The following BLM variants were observed in gnomAD, a reference collection of about 807,000 sequenced individuals.
The protein encoded by BLM is BLM RecQ like helicase.
A neutral mutation model predicts 135.3 loss-of-function variants in BLM; 95 were observed. The ratio of observed to expected loss-of-function variants is 0.70; its 90% confidence interval spans 0.59 to 0.83. The LOEUF (loss-of-function observed/expected upper bound fraction) is 0.83. Among genes scored for constraint, BLM ranks in the 40% least tolerant of loss-of-function variants. The pLI is 0.00. For synonymous variants in BLM, 520 were observed against 589.2 expected, an observed-to-expected ratio of 0.88 and a Z score of 1.70; for missense variants, 1,518 against 1,663.9, an observed-to-expected ratio of 0.91 and a Z score of 1.53.
chr15:90,781,202 C>T (rs989244384), intron 12 of BLM, among the ~76,000 whole-genome samples: 2 of 152,170 alleles, frequency 1.3e-5, no homozygotes, highest in African/African-American at 4.8e-5. Flanking sequence ...AATAAAGTGA[C>T]TGTAATCAGT....
chr15:90,760,451 C>A, intron 6 of BLM, 143 bp from the exon 7 acceptor site: 1 of 1,213,698 alleles, frequency 8.2e-7, no homozygotes, highest in Non-Finnish European at 1.2e-6. Context: ...CTTTAACATT[C>A]GTATTCATGT....
intron 1 of BLM, among the ~76,000 whole-genome samples, chr15:90,729,179 A>G (rs1190556290): frequency 1.3e-5 from 2 of 152,052 alleles, no homozygotes; most frequent in Non-Finnish European, 2.9e-5. Context: ...GCATGGTGGT[A>G]CGCGCTTGTA....
intron 17 of BLM, among the ~76,000 whole-genome samples, chr15:90,802,013 G>A (rs1422882568): frequency 2.0e-5 from 3 of 151,862 alleles, no homozygotes; most frequent in African/African-American, 4.8e-5. Flanking sequence ...CTGTGATCCC[G>A]CCACTGCACC....
At chr15:90,778,101 T>C (rs1896525771) in intron 12 of BLM, among the ~76,000 whole-genome samples, 1 of 152,164 alleles carries the variant, frequency 6.6e-6, no homozygotes, top group African/African-American at 2.4e-5. Flanking sequence ...ACTCCAAGGG[T>C]CTATTAACTT....
intron 1 of BLM, among the ~76,000 whole-genome samples, chr15:90,723,755 G>A (rs767353117): frequency 1.8e-4 from 28 of 152,220 alleles, no homozygotes; most frequent in Non-Finnish European, 2.6e-4. Flanking sequence ...TCTAGAATGC[G>A]TTCATTTTGC....
intron 12 of BLM, among the ~76,000 whole-genome samples, chr15:90,773,511 C>CTTT (rs55678339): frequency 2.1e-3 from 211 of 100,630 alleles, no homozygotes; most frequent in Non-Finnish European, 2.4e-3. Context: ...CTTCAATGGC[C>CTTT]TTTTTTTTTT....
intron 2 of BLM, chr15:90,747,745 C>A (rs1895542863): frequency 2.5e-6 from 1 of 403,990 alleles, no homozygotes; most frequent in Non-Finnish European, 4.5e-6. Context: ...AATAATTGAT[C>A]TTGTAAATTT....
At chr15:90,776,662 C>T (rs992111386) in intron 12 of BLM, among the ~76,000 whole-genome samples, 2 of 152,150 alleles carry the variant, frequency 1.3e-5, no homozygotes, top group African/African-American at 4.8e-5. Context: ...GCCAGGACTA[C>T]AGGCGTGCAC....
intron 17 of BLM, among the ~76,000 whole-genome samples, chr15:90,803,167 A>AT (rs1334281431): frequency 1.3e-5 from 2 of 150,804 alleles, no homozygotes; most frequent in African/African-American, 4.9e-5. Context: ...TGTCTCTAAA[A>AT]AAAAAAAAAA....
chr15:90,727,801 A>G (rs1894957315), intron 1 of BLM, among the ~76,000 whole-genome samples: 1 of 151,444 alleles, frequency 6.6e-6, no homozygotes, highest in African/African-American at 2.4e-5. Flanking sequence ...AGTGTTGATG[A>G]TATAATAAAT....
intron 8 of BLM, among the ~76,000 whole-genome samples, chr15:90,764,663 A>C (rs1896075162): frequency 1.3e-5 from 2 of 152,208 alleles, no homozygotes; most frequent in African/African-American, 2.4e-5. Context: ...ATAGAAAGTA[A>C]TTATTTTAAT....
Position 90,815,708 on chromosome 15 carries a change from T to C in BLM, c.*429T>C, listed in dbSNP as rs546784071. 2.1e-3 allele frequency: 449 copies of C among 212,580 alleles called. 2 individuals are homozygous for C. The highest frequency in any genetic ancestry group is 1.1e-3 in the Non-Finnish European group (120 of 105,698). The allele number at this position is 212,580 out of a possible 1,614,324, so 13.2% of individuals were successfully genotyped here. A position where few individuals can be genotyped will look rare whatever the true frequency, so the allele number is the denominator to read the frequency against. On this transcript the variant is annotated 3_prime_UTR_variant, in exon 22 of 22. Transcript: ENST00000355112. This position sits in a 1 kb window ranked among gnomAD's most constrained non-coding sequence, Gnocchi z 4.6. ...AAGGATTAGTATCCATCATACCAAA[T>C]ACCCGTGAACCAGTCAGAAACATCC...
At position 90,769,193 on chromosome 15, in the gene BLM, G is replaced by A. The variant is rs777355959; in HGVS notation, c.2368G>A (p.Ala790Thr). Residue 790 changes from alanine to threonine, a missense_variant, in exon 11 of 22, where the codon GCA becomes ACA. Physicochemically the swap from Ala to Thr is moderately conservative, Grantham distance 58 (BLOSUM62 0). Transcript: ENST00000355112. ...LENLYERKLL[A>T]RFVIDEAHCV... Reference sequence around the variant, plus strand: ...GAATCTCTATGAGAGGAAGCTCTTGGCACGTTTTGTTATTGATGAAGCACA... The same window carrying A: ...GAATCTCTATGAGAGGAAGCTCTTGACACGTTTTGTTATTGATGAAGCACA... The A allele has an allele frequency of 6.8e-6, 11 of 1,613,740 alleles. No homozygotes were observed. In the South Asian group the frequency reaches 1.1e-4, roughly 16 times the overall value.
chr15:90,800,478 C>T (rs113564128), intron 17 of BLM, among the ~76,000 whole-genome samples: 23,330 of 151,824 alleles, frequency 0.15, 1,899 homozygotes, highest in Non-Finnish European at 0.19. Flanking sequence ...GTCAGGAGTT[C>T]GAGGCCAGCC....
intron 12 of BLM, among the ~76,000 whole-genome samples, chr15:90,770,177 C>CCTTTTTTTTTTTTTTTT (rs1555420977): frequency 7.8e-6 from 1 of 128,214 alleles, no homozygotes. Flanking sequence ...TCCCCCCCCC[C>CCTTTTTTTTTTTTTTTT]TTTTTTTTTT....
At chr15:90,747,558 T>C in intron 2 of BLM, 68 bp downstream of exon 2, 2 of 996,452 alleles carry the variant, frequency 2.0e-6, no homozygotes, top group Non-Finnish European at 3.1e-6. Flanking sequence ...TGAGATATCT[T>C]CTCTTTAAAC....
At chr15:90,802,110 G>T (rs1046149773) in intron 17 of BLM, among the ~76,000 whole-genome samples, 4 of 152,172 alleles carry the variant, frequency 2.6e-5, no homozygotes, top group African/African-American at 4.8e-5. Context: ...CAGCAGTAAG[G>T]TTGGTCCATA....
intron 14 of BLM, among the ~76,000 whole-genome samples, chr15:90,790,107 G>A (rs1640845128): frequency 6.9e-6 from 1 of 145,072 alleles, no homozygotes; most frequent in Non-Finnish European, 1.5e-5. Context: ...CTGATGAATA[G>A]AAGGAGTTGA....
At chr15:90,794,610 C>A (rs1420429528) in intron 16 of BLM, among the ~76,000 whole-genome samples, 1 of 151,272 alleles carries the variant, frequency 6.6e-6, no homozygotes, top group Non-Finnish European at 1.5e-5. Context: ...TATATATGTG[C>A]ACTGATGATT....
Sources: gnomAD v4.1 joint callset for allele counts (sites outside exome capture counted in the v4.1 genomes callset) on GRCh38, gnomAD v4.1.1 for gene constraint, Gnocchi (gnomAD v3.1) non-coding constraint, MANE v1.5 for transcripts, NCBI Gene and HGNC (gene_info 2026-07-23, HGNC 2026-07-21) for gene names.